The following PATL1 variants were observed in gnomAD, a reference collection of about 807,000 sequenced individuals.
The protein encoded by PATL1 is PAT1 homolog 1, processing body mRNA decay factor.
PATL1 carries 32 observed loss-of-function variants against 100.6 expected under a neutral mutation model. The ratio of observed to expected loss-of-function variants is 0.32; its 90% confidence interval spans 0.24 to 0.43. The LOEUF (loss-of-function observed/expected upper bound fraction) is 0.43, where lower values mean the gene tolerates loss of function less well. Ranked by LOEUF, PATL1 falls within the 20% of genes least tolerant of loss-of-function variation. The probability of loss-of-function intolerance (pLI) is 1.00; values close to 1 mark genes in which losing one functional copy is unlikely to be tolerated. For synonymous variants in PATL1, 332 were observed against 330.0 expected (o/e 1.01, Z -0.07); for missense variants, 747 against 949.9 (o/e 0.79, Z 2.81).
intron 16 of PATL1, among the ~76,000 whole-genome samples, chr11:59,641,235 G>A (rs528501848): frequency 4.6e-5 from 7 of 152,138 alleles, no homozygotes; most frequent in Middle Eastern, 3.4e-3. Context: ...TGGGAGGATC[G>A]CTTTGAGTAC....
intron 11 of PATL1, 37 bp from the exon 12 acceptor site, chr11:59,651,678 A>T: frequency 7.1e-7 from 1 of 1,411,390 alleles, no homozygotes; most frequent in Non-Finnish European, 9.8e-7. Context: ...CCAACAAAAT[A>T]AAAAGTCAGC....
At chr11:59,667,381 T>C (rs1227535499) in intron 1 of PATL1, among the ~76,000 whole-genome samples, 3 of 152,236 alleles carry the variant, frequency 2.0e-5, no homozygotes, top group African/African-American at 4.8e-5. Context: ...TTTCTCATTA[T>C]ATTCATGTCA....
At chr11:59,658,817 A>T in intron 4 of PATL1, 49 bp downstream of exon 4, 1 of 1,436,078 alleles carries the variant, frequency 7.0e-7, no homozygotes, top group Non-Finnish European at 9.5e-7. Flanking sequence ...ACAGGAACTT[A>T]AAATTTTTGG....
chr11:59,656,379 G>GATTA, intron 6 of PATL1, 120 bp downstream of exon 6: 1 of 826,326 alleles, frequency 1.2e-6, no homozygotes, highest in South Asian at 1.8e-5. Flanking sequence ...TAAGTAAGGA[G>GATTA]ATTATAAAAA....
chr11:59,639,466 T>C, intron 16 of PATL1, 83 bp from the exon 17 acceptor site: 2 of 1,036,384 alleles, frequency 1.9e-6, no homozygotes, highest in East Asian at 2.6e-5. Context: ...TGGCATCAGA[T>C]GGGGAACAGC....
chr11:59,645,024 CTTT>C (rs59644562), intron 15 of PATL1, among the ~76,000 whole-genome samples: 3 of 130,228 alleles, frequency 2.3e-5, no homozygotes, highest in African/African-American at 5.6e-5. Context: ...TCCCCATCCA[CTTT>C]TTTTTTTTTT....
intron 1 of PATL1, 188 bp from the exon 2 acceptor site, chr11:59,667,152 T>C (rs1288672524): frequency 1.7e-5 from 15 of 867,372 alleles, no homozygotes; most frequent in Non-Finnish European, 2.1e-5. Flanking sequence ...TTTCTTTCAC[T>C]TTCTATTTCC....
At chr11:59,645,472 G>C (rs2134740724) in intron 15 of PATL1, among the ~76,000 whole-genome samples, 1 of 150,448 alleles carries the variant, frequency 6.6e-6, no homozygotes, top group African/African-American at 2.4e-5. Flanking sequence ...TGCAAAAACA[G>C]TTATTTTCTA....
At position 59,638,962 on chromosome 11, in the gene PATL1, T is replaced by C. The variant is rs1861232771; in HGVS notation, c.2291+86A>G. ...TGTCCTAAAATGCTGGGATTACAGG[T>C]GTGAGCCACCGTACCCAGCCTCCCA... On this transcript the variant is annotated intron_variant, in intron 18 of 18. Coordinates refer to ENST00000300146, the MANE Select transcript of PATL1 (RefSeq NM_152716.3). The C allele has an allele frequency of 2.1e-6, 3 of 1,436,666 alleles. No homozygotes were observed. The Admixed American group carries it at 6.1e-5, about 29-fold the overall frequency. 89.0% of individuals were successfully genotyped at this position (1,436,666 alleles called of 1,614,324 possible).
intron 1 of PATL1, 74 bp downstream of exon 1, chr11:59,668,807 C>G: frequency 2.8e-6 from 2 of 705,812 alleles, no homozygotes; most frequent in East Asian, 4.3e-5. Context: ...AACACAGGAC[C>G]GGCGCGCGGA....
chr11:59,642,333 T>A (rs1861294374), intron 16 of PATL1, among the ~76,000 whole-genome samples: 1 of 152,254 alleles, frequency 6.6e-6, no homozygotes, highest in African/African-American at 2.4e-5. Flanking sequence ...TTCCTACCCA[T>A]TATCAGAACT....
intron 7 of PATL1, 21 bp downstream of exon 7, chr11:59,655,935 T>C (rs372959417): frequency 1.3e-5 from 20 of 1,540,668 alleles, no homozygotes; most frequent in Non-Finnish European, 1.2e-5. Flanking sequence ...TCTTTATGGG[T>C]AGGGCTAATC....
In PATL1 at chr11:59,649,472, C is replaced by G. The variant is rs779222443; in HGVS notation, c.1723G>C (p.Gly575Arg). 6.2e-7 allele frequency: 1 copy of G among 1,613,796 alleles called. No individual in the cohort carries two copies. Among genetic ancestry groups the G allele is most frequent in the South Asian group, 1.1e-5 (1 of 91,066 alleles). ...MYDNLRGKLPGQERPSDDHFV... is the reference protein window; with the variant it reads ...MYDNLRGKLPRQERPSDDHFV... ...CTGCACGATGCTTACCTCTCTTGTC[C>G]AGGCAATTTCCCCCTTAAGTTGTCA... Residue 575 changes from glycine to arginine, a missense_variant, in exon 14 of 19, where the codon GGA (glycine) becomes CGA (arginine). Gly to Arg is a moderately radical substitution (Grantham distance 125). Transcript: ENST00000300146.
At chr11:59,656,449 T>G in intron 6 of PATL1, 50 bp downstream of exon 6, 1 of 1,452,482 alleles carries the variant, frequency 6.9e-7, no homozygotes, top group South Asian at 1.2e-5. Context: ...TTACAAATAG[T>G]GATCAGAAAA....
intron 2 of PATL1, among the ~76,000 whole-genome samples, chr11:59,661,403 A>T (rs1345547662): frequency 7.2e-6 from 1 of 139,832 alleles, no homozygotes; most frequent in African/African-American, 2.8e-5. Context: ...TCAGGTATTC[A>T]AATGTGAAAC....
At position 59,645,160 on chromosome 11, in the gene PATL1, A is replaced by G. The variant is rs1348520614; in HGVS notation, c.1894-2125T>C. Reference sequence around the variant, plus strand: ...TTTTTCTTAGTACAGAACAAAATGAAAAGTCTCCCATGTCTACCTCTTTCT... The same window carrying G: ...TTTTTCTTAGTACAGAACAAAATGAGAAGTCTCCCATGTCTACCTCTTTCT... On this transcript the variant is annotated intron_variant, in intron 15 of 18. Transcript: ENST00000300146. Among the ~76,000 whole-genome samples, 4 of 129,326 alleles carry G rather than the reference A, an allele frequency of 3.1e-5. No homozygotes were observed. In the East Asian group the frequency reaches 6.7e-4, roughly 22 times the overall value. 84.8% of individuals were successfully genotyped at this position (129,326 alleles called of 152,430 possible). A position where few individuals can be genotyped will look rare whatever the true frequency, so the allele number is the denominator to read the frequency against.
At chr11:59,648,661 C>A (rs896821690) in intron 14 of PATL1, among the ~76,000 whole-genome samples, 1 of 151,734 alleles carries the variant, frequency 6.6e-6, no homozygotes, top group Non-Finnish European at 1.5e-5. Context: ...TGGTTTTGTA[C>A]CTTGACTTTT....
intron 1 of PATL1, among the ~76,000 whole-genome samples, chr11:59,668,040 C>T (rs1028405220): frequency 5.9e-5 from 9 of 152,226 alleles, no homozygotes; most frequent in African/African-American, 2.2e-4. Context: ...AAACTCATGC[C>T]AATAGGCATG....
At chr11:59,644,499 G>A (rs569980001) in intron 15 of PATL1, among the ~76,000 whole-genome samples, 1 of 152,076 alleles carries the variant, frequency 6.6e-6, no homozygotes, top group South Asian at 2.1e-4. Flanking sequence ...GCCTGGTAAG[G>A]TTTTTAAAAT....
Sources: gnomAD v4.1 joint callset for allele counts (sites outside exome capture counted in the v4.1 genomes callset) on GRCh38, gnomAD v4.1.1 for gene constraint, MANE v1.5 for transcripts, NCBI Gene and HGNC (gene_info 2026-07-23, HGNC 2026-07-21) for gene names.